CYP39A1: variants seen among roughly 807,000 people sequenced by gnomAD.
The protein encoded by CYP39A1 is 24-hydroxycholesterol 7-alpha-hydroxylase.
A neutral mutation model predicts 58.1 loss-of-function variants in CYP39A1; 49 were observed. The observed-to-expected ratio is 0.84, with a 90% CI of 0.67 to 1.07. The LOEUF (loss-of-function observed/expected upper bound fraction) is 1.07. CYP39A1 is among the 50% of genes least tolerant of loss of function. The pLI is 0.00. For synonymous variants in CYP39A1, 209 were observed against 187.6 expected (o/e 1.11, Z -0.93); for missense variants, 531 against 539.4 (o/e 0.98, Z 0.16).
At chr6:46,611,737 GC>G (rs1375849694) in intron 7 of CYP39A1, among the ~76,000 whole-genome samples, 1 of 152,018 alleles carries the variant, frequency 6.6e-6, no homozygotes, top group African/African-American at 2.4e-5. Context: ...AGAGAATATT[GC>G]CTAAAGAAGA....
intron 6 of CYP39A1, 46 bp downstream of exon 6, chr6:46,630,917 A>G: frequency 7.6e-7 from 1 of 1,309,014 alleles, no homozygotes; most frequent in East Asian, 2.3e-5. Context: ...AAAAGATGAA[A>G]GGACAGTGGA....
At chr6:46,643,556 T>C (rs1281642295) in intron 1 of CYP39A1, among the ~76,000 whole-genome samples, 1 of 152,232 alleles carries the variant, frequency 6.6e-6, no homozygotes, top group Non-Finnish European at 1.5e-5. Context: ...CTCATTTTCA[T>C]TGTTAAAGTT....
At chr6:46,595,925 T>C (rs1773119877) in intron 8 of CYP39A1, 62 bp downstream of exon 8, 1 of 1,501,060 alleles carries the variant, frequency 6.7e-7, no homozygotes. Context: ...AAAATATATG[T>C]GGGCAAAATG....
chr6:46,620,879 C>A (rs1459601577), intron 7 of CYP39A1, among the ~76,000 whole-genome samples: 2 of 151,108 alleles, frequency 1.3e-5, no homozygotes, highest in African/African-American at 2.4e-5. Context: ...GCAAACATTA[C>A]AGAATTAGTT....
At position 46,637,813 on chromosome 6, in the gene CYP39A1, A is replaced by G; in HGVS notation, c.638+16T>C. 2 of 1,606,590 alleles carry G rather than the reference A, an allele frequency of 1.2e-6. No individual in the cohort carries two copies. Among genetic ancestry groups the G allele is most frequent in the Non-Finnish European group, 1.7e-6 (2 of 1,178,250 alleles). On this transcript the variant is annotated intron_variant, in intron 4 of 11. Coordinates refer to ENST00000275016, the MANE Select transcript of CYP39A1 (RefSeq NM_016593.5). ...TAAGCTTGGTCAATGAATTAATTAT[A>G]GGAAACAACTGTTACCTTAGAAGAC...
intron 7 of CYP39A1, among the ~76,000 whole-genome samples, chr6:46,606,259 G>T (rs1479294206): frequency 6.6e-6 from 1 of 152,010 alleles, no homozygotes; most frequent in Non-Finnish European, 1.5e-5. Context: ...GCCTACATTT[G>T]GAAAATAAAT....
At chr6:46,632,105 T>C (rs79367910) in intron 5 of CYP39A1, among the ~76,000 whole-genome samples, 5,384 of 152,282 alleles carry the variant, frequency 0.035, 285 homozygotes, top group African/African-American at 0.12. Flanking sequence ...ACTATCTTTT[T>C]TTTTTATTTT....
At chr6:46,602,660 A>C (rs1773581961) in intron 7 of CYP39A1, among the ~76,000 whole-genome samples, 1 of 150,390 alleles carries the variant, frequency 6.6e-6, no homozygotes, top group Admixed American at 6.6e-5. Context: ...TAAAAATACA[A>C]AATCAGCTGG....
At chr6:46,613,735 T>G (rs1169914999) in intron 7 of CYP39A1, among the ~76,000 whole-genome samples, 2 of 150,716 alleles carry the variant, frequency 1.3e-5, no homozygotes, top group Admixed American at 1.3e-4. Flanking sequence ...TGAGCCTCTA[T>G]TGATGGGCAG....
At chr6:46,575,475 G>A (rs1771801592) in intron 10 of CYP39A1, among the ~76,000 whole-genome samples, 1 of 152,152 alleles carries the variant, frequency 6.6e-6, no homozygotes, top group Non-Finnish European at 1.5e-5. Flanking sequence ...GCTTGTCAAT[G>A]GCCACCACGA....
At chr6:46,594,692 A>G (rs1773037745) in intron 8 of CYP39A1, among the ~76,000 whole-genome samples, 1 of 152,072 alleles carries the variant, frequency 6.6e-6, no homozygotes, top group Non-Finnish European at 1.5e-5. Flanking sequence ...GTAAGACCTG[A>G]AACTGTAAAC....
chr6:46,621,436 C>A (rs1055297167), intron 7 of CYP39A1, among the ~76,000 whole-genome samples: 2 of 151,896 alleles, frequency 1.3e-5, no homozygotes, highest in Admixed American at 6.6e-5. Context: ...CTACAATGAC[C>A]CAGAAGGTAA....
chr6:46,648,212 C>T (rs541286189), intron 1 of CYP39A1, among the ~76,000 whole-genome samples: 3 of 152,084 alleles, frequency 2.0e-5, no homozygotes, highest in South Asian at 2.1e-4. Flanking sequence ...CACATGCACA[C>T]GTATGTTTAC....
chr6:46,638,708 C>A (rs138663272), intron 3 of CYP39A1, among the ~76,000 whole-genome samples: 3 of 151,844 alleles, frequency 2.0e-5, no homozygotes, highest in Non-Finnish European at 4.4e-5. Flanking sequence ...GTTTTTGTGT[C>A]CCCCCTCCAC....
intron 10 of CYP39A1, among the ~76,000 whole-genome samples, chr6:46,561,692 G>A (rs999542674): frequency 2.0e-5 from 3 of 152,134 alleles, no homozygotes; most frequent in South Asian, 2.1e-4. Context: ...GTGTGGAAAC[G>A]GGGTTTCTCG....
At chr6:46,586,978 A>T in intron 10 of CYP39A1, 99 bp downstream of exon 10, 1 of 767,344 alleles carries the variant, frequency 1.3e-6, no homozygotes, top group Non-Finnish European at 2.2e-6. Context: ...CCTATAGTTT[A>T]AATATATATA....
rs1349313510 is a variant in CYP39A1, at chr6:46,636,457, AC to A, written c.663del (p.Trp221CysfsTer13). On this transcript the variant is annotated frameshift_variant, in exon 5 of 12. Transcript: ENST00000275016. LOFTEE classifies it high-confidence loss of function. ...LLRNWSKSKK[W>X]FLELFEKNIP... Reference sequence around the variant, plus strand: ...ATGTTTTTCTCAAACAGTTCCAGGAACCACTTTTTGGATTTTGACCAGTTTC... The same window carrying A: ...ATGTTTTTCTCAAACAGTTCCAGGAACACTTTTTGGATTTTGACCAGTTTC... 14 of 1,608,556 alleles carry A rather than the reference AC, an allele frequency of 8.7e-6. No homozygotes were observed. Among genetic ancestry groups the A allele is most frequent in the Non-Finnish European group, 1.1e-5 (13 of 1,178,638 alleles).
At chr6:46,626,382 G>A (rs1317872108) in intron 6 of CYP39A1, among the ~76,000 whole-genome samples, 1 of 152,002 alleles carries the variant, frequency 6.6e-6, no homozygotes, top group Non-Finnish European at 1.5e-5. Context: ...TTTCATCTAG[G>A]AGAATTGGTC....
intron 11 of CYP39A1, among the ~76,000 whole-genome samples, chr6:46,552,704 T>A (rs890140857): frequency 4.6e-5 from 7 of 152,082 alleles, no homozygotes; most frequent in Non-Finnish European, 7.4e-5. Context: ...AAATTGAACT[T>A]CCTTTTATTT....
Sources: gnomAD v4.1 joint callset for allele counts (sites outside exome capture counted in the v4.1 genomes callset) on GRCh38, gnomAD v4.1.1 for gene constraint, MANE v1.5 for transcripts, NCBI Gene and HGNC (gene_info 2026-07-23, HGNC 2026-07-21) for gene names.